Variants in CACNA1A observed in about 807,000 individuals in gnomAD.
The protein encoded by CACNA1A is voltage-dependent P/Q-type calcium channel subunit alpha-1A.
Under a neutral mutation model 262.4 loss-of-function variants are expected in CACNA1A, and 57 were observed. That is an observed-to-expected ratio of 0.22 (90% CI 0.18 to 0.27). CACNA1A has a LOEUF of 0.27. Among genes scored for constraint, CACNA1A ranks in the 10% least tolerant of loss-of-function variants. The pLI, the probability that CACNA1A is intolerant of heterozygous loss-of-function variation, is 1.00. For missense variants in CACNA1A, 2,526 were observed against 3,562.8 expected, an observed-to-expected ratio of 0.71 and a Z score of 7.41; for synonymous variants, 1,431 against 1,419.3, an observed-to-expected ratio of 1.01 and a Z score of -0.18.
intron 3 of CACNA1A, among the ~76,000 whole-genome samples, chr19:13,394,100 T>C (rs1428599602): frequency 6.6e-6 from 1 of 152,194 alleles, no homozygotes; most frequent in African/African-American, 2.4e-5. Flanking sequence ...CTAACATTTC[T>C]TGAGTGCTTG....
At chr19:13,349,944 G>A (rs2145207176) in intron 6 of CACNA1A, among the ~76,000 whole-genome samples, 1 of 152,292 alleles carries the variant, frequency 6.6e-6, no homozygotes, top group Non-Finnish European at 1.5e-5. Context: ...CAGGGAAGAG[G>A]CCCGTCTAGT....
At chr19:13,400,729 T>C (rs2059886416) in intron 3 of CACNA1A, among the ~76,000 whole-genome samples, 1 of 152,196 alleles carries the variant, frequency 6.6e-6, no homozygotes, top group African/African-American at 2.4e-5. Flanking sequence ...ATCAAGTAAG[T>C]TGAGGCAGTG....
At chr19:13,257,717 CAAT>C (rs2056609311) in intron 27 of CACNA1A, 166 bp from the exon 28 acceptor site, 1 of 482,764 alleles carries the variant, frequency 2.1e-6, no homozygotes, top group African/African-American at 2.0e-5. Flanking sequence ...AGGCTGACAA[CAAT>C]GTCAGTTATT....
At chr19:13,405,503 G>C (rs555102869) in intron 3 of CACNA1A, among the ~76,000 whole-genome samples, 1 of 152,222 alleles carries the variant, frequency 6.6e-6, no homozygotes, top group South Asian at 2.1e-4. Context: ...ATTGCTCCTG[G>C]CCATATTATT....
chr19:13,238,628 C>T (rs1417498385), intron 31 of CACNA1A, among the ~76,000 whole-genome samples: 2 of 148,082 alleles, frequency 1.4e-5, no homozygotes, highest in Non-Finnish European at 3.0e-5. Flanking sequence ...CTCTGTTGCC[C>T]AGGCTGGAGT....
At position 13,360,688 on chromosome 19, in the gene CACNA1A, G is replaced by C. The variant is rs369207223; in HGVS notation, c.785-889C>G. On this transcript the variant is annotated intron_variant, in intron 5 of 46. Transcript: ENST00000360228. The stretch of plus-strand genomic sequence containing the variant: ...AGATGGGGTTTCACCATGTTGGCCA[G>C]GCTGGTCTCGAACTCCTGACCTCAA... Among the ~76,000 whole-genome samples the C allele has an allele frequency of 1.6e-4, 25 of 152,226 alleles. No homozygotes were observed. The South Asian group carries it at 3.9e-3, about 24-fold the overall frequency.
chr19:13,231,282 T>C (rs1415822460), intron 35 of CACNA1A, among the ~76,000 whole-genome samples: 1 of 151,964 alleles, frequency 6.6e-6, no homozygotes, highest in Non-Finnish European at 1.5e-5. Context: ...CCCGAAGTGT[T>C]GGGATTACAG....
At chr19:13,480,907 A>C (rs1031354793) in intron 1 of CACNA1A, among the ~76,000 whole-genome samples, 1 of 152,160 alleles carries the variant, frequency 6.6e-6, no homozygotes, top group Non-Finnish European at 1.5e-5. Flanking sequence ...TCAAAAACTC[A>C]TCAGATTAGG....
chr19:13,298,933 C>T lies in CACNA1A; in HGVS notation c.2700G>A (p.Glu900=), dbSNP rs763105498. 3.1e-6 allele frequency: 5 copies of T among 1,593,858 alleles called. No homozygotes were observed. In the South Asian group the frequency reaches 4.4e-5, roughly 14 times the overall value. Residue 900 remains glutamate (E), a synonymous_variant, in exon 19 of 47, where the codon GAG becomes GAA. Transcript: ENST00000360228. ...ELSREGPYGR[E]SDHHAREGSL... ...TGCCCTCCCGGGCGTGGTGGTCCGA[C>T]TCGCGGCCGTAGGGTCCCTCCCGGC...
chr19:13,286,926 G>C lies in CACNA1A; in HGVS notation c.3130C>G (p.Leu1044Val). Residue 1044 changes from leucine (L) to valine (V), a missense_variant, in exon 20 of 47, where the codon CTG (leucine) becomes GTG (valine). Transcript: ENST00000360228. ...TGCTGGATTGGCCGGGTGGTTGACA[G>C]GTTGGGGCCCGACACAGGGACCCCG... ...GSGVPVSGPN[L>V]STTRPIQQDL... is the part of the protein sequence containing the mutation. The C allele has an allele frequency of 6.2e-7, 1 of 1,610,862 alleles. No homozygotes were observed. The highest frequency in any genetic ancestry group is 8.5e-7 in the Non-Finnish European group (1 of 1,178,108).
Position 13,308,376 on chromosome 19 carries a change from C to T in CACNA1A, c.1781+40G>A. On this transcript the variant is annotated intron_variant, in intron 13 of 46. Coordinates refer to ENST00000360228, the MANE Select transcript of CACNA1A (RefSeq NM_001127222.2). The surrounding 1 kb of genome is among the most constrained non-coding windows in gnomAD (Gnocchi z 4.2). Reference sequence around the variant, plus strand: ...GGCGGCCCCACCATGTCCCCCATCCCCACCCCCTGTACAAATGTCCAGGAA... The same window carrying T: ...GGCGGCCCCACCATGTCCCCCATCCTCACCCCCTGTACAAATGTCCAGGAA... 6.4e-7 allele frequency: 1 copy of T among 1,553,870 alleles called. No individual in the cohort carries two copies. The highest frequency in any genetic ancestry group is 8.8e-7 in the Non-Finnish European group (1 of 1,138,280).
chr19:13,233,482 T>C (rs1191992578), intron 34 of CACNA1A, among the ~76,000 whole-genome samples: 1 of 152,104 alleles, frequency 6.6e-6, no homozygotes, highest in Non-Finnish European at 1.5e-5. Flanking sequence ...TTTTAAAAAT[T>C]AAAAAAATAT....
intron 3 of CACNA1A, among the ~76,000 whole-genome samples, chr19:13,400,358 A>C (rs914708204): frequency 2.0e-5 from 3 of 152,132 alleles, no homozygotes; most frequent in African/African-American, 7.2e-5. Flanking sequence ...GGCTTTCACC[A>C]ATTACCCCTG....
chr19:13,363,435 T>C (rs767001576), intron 5 of CACNA1A: 3 of 150,706 alleles, frequency 2.0e-5, no homozygotes, highest in African/African-American at 7.4e-5. Flanking sequence ...ACATTCCATA[T>C]TGAGCAAACT....
In CACNA1A at chr19:13,207,939, A is replaced by G; in HGVS notation, c.6895T>C (p.Tyr2299His). The G allele has an allele frequency of 7.6e-7, 1 of 1,316,846 alleles. No individual in the cohort carries two copies. The highest frequency in any genetic ancestry group is 9.7e-7 in the Non-Finnish European group (1 of 1,029,644). 81.6% of individuals were successfully genotyped at this position (1,316,846 alleles called of 1,614,324 possible). The part of the protein sequence containing the change: ...TPSTPRPHVS[Y>H]SPVIRKAGGS... ...CCGGCCTTACGGATCACAGGGGAAT[A>G]GGACACGTGTGGCCGGGGGGTGGAG... Residue 2299 changes from tyrosine (Y) to histidine (H), a missense_variant, in exon 47 of 47, where the codon TAT becomes CAT. Physicochemically the swap from Tyr to His is moderately conservative, Grantham distance 83. Coordinates refer to ENST00000360228, the MANE Select transcript of CACNA1A (RefSeq NM_001127222.2). The surrounding 1 kb of genome is among the most constrained non-coding windows in gnomAD (Gnocchi z 5.7).
At chr19:13,275,518 G>A in intron 24 of CACNA1A, 2 of 333,526 alleles carry the variant, frequency 6.0e-6, no homozygotes, top group East Asian at 6.1e-5. Context: ...CGGTTTGGGC[G>A]GCGCTTGTGG....
intron 38 of CACNA1A, among the ~76,000 whole-genome samples, chr19:13,223,310 CA>C (rs2055305862): frequency 6.6e-6 from 1 of 152,182 alleles, no homozygotes; most frequent in Non-Finnish European, 1.5e-5. Context: ...TCTTCTGCCT[CA>C]TCCTCCCTAG....
chr19:13,425,891 A>G (rs372558721), intron 3 of CACNA1A, among the ~76,000 whole-genome samples: 1 of 152,116 alleles, frequency 6.6e-6, no homozygotes, highest in Admixed American at 6.6e-5. Flanking sequence ...CCCTGCCTCT[A>G]CTAAAAATAC....
rs527894281 is a variant in CACNA1A, at chr19:13,241,972, C to T, written c.4950+3210G>A. Among the ~76,000 whole-genome samples, 4 of 152,268 alleles carry T rather than the reference C, an allele frequency of 2.6e-5. No individual in the cohort carries two copies. The highest frequency in any genetic ancestry group is 5.9e-5 in the Non-Finnish European group (4 of 68,018). On this transcript the variant is annotated intron_variant, in intron 31 of 46. Coordinates refer to ENST00000360228, the MANE Select transcript of CACNA1A (RefSeq NM_001127222.2). This position sits in a 1 kb window ranked among gnomAD's most constrained non-coding sequence, Gnocchi z 4.0. ...GGGACCTGCCCGCCCAAGCATCTGG[C>T]ATTTCCTGTCTCAGCCTGGCCAAGC...
Sources: gnomAD v4.1 joint callset for allele counts (sites outside exome capture counted in the v4.1 genomes callset) on GRCh38, gnomAD v4.1.1 for gene constraint, Gnocchi (gnomAD v3.1) non-coding constraint, MANE v1.5 for transcripts, NCBI Gene and HGNC (gene_info 2026-07-23, HGNC 2026-07-21) for gene names.